WWTR1: variants seen among roughly 807,000 people sequenced by gnomAD.
WWTR1 encodes WW domain-containing transcription regulator protein 1.
WWTR1 carries 13 observed loss-of-function variants against 40.1 expected under a neutral mutation model. The ratio of observed to expected loss-of-function variants is 0.32; its 90% CI spans 0.21 to 0.52. The LOEUF (loss-of-function observed/expected upper bound fraction) is 0.52, where lower values mean the gene tolerates loss of function less well. WWTR1 is among the 20% of genes least tolerant of loss of function. The pLI, the probability that WWTR1 is intolerant of heterozygous loss-of-function variation, is 0.97. For missense variants in WWTR1, 436 were observed against 523.1 expected, an observed-to-expected ratio of 0.83 and a Z score of 1.63; for synonymous variants, 230 against 210.1, an observed-to-expected ratio of 1.09 and a Z score of -0.82.
chr3:149,667,774 A>G (rs1713896045), intron 2 of WWTR1, among the ~76,000 whole-genome samples: 1 of 152,156 alleles, frequency 6.6e-6, no homozygotes, highest in Non-Finnish European at 1.5e-5. Flanking sequence ...CTACTGAGTC[A>G]TCATCTCCCA....
intron 4 of WWTR1, among the ~76,000 whole-genome samples, chr3:149,722,601 T>C (rs1402473287): frequency 6.6e-6 from 1 of 152,162 alleles, no homozygotes. Flanking sequence ...CATCATTTCT[T>C]CAAATATTCT....
chr3:149,623,657 C>T (rs372484464), intron 2 of WWTR1, among the ~76,000 whole-genome samples: 1 of 152,168 alleles, frequency 6.6e-6, no homozygotes, highest in Non-Finnish European at 1.5e-5. Flanking sequence ...GAGAGAAATA[C>T]TTTCTATGGG....
chr3:149,612,850 C>T (rs1181425849), intron 2 of WWTR1, among the ~76,000 whole-genome samples: 1 of 152,172 alleles, frequency 6.6e-6, no homozygotes, highest in Non-Finnish European at 1.5e-5. Flanking sequence ...ACTCCACTCA[C>T]AATCCACCTA....
chr3:149,538,168 C>T (rs1457356750), intron 4 of WWTR1, among the ~76,000 whole-genome samples: 3 of 152,184 alleles, frequency 2.0e-5, no homozygotes, highest in Non-Finnish European at 4.4e-5. Flanking sequence ...GATCTGCCCG[C>T]CTTGGCTTCC....
At chr3:149,655,659 G>A (rs771991396) in intron 2 of WWTR1, among the ~76,000 whole-genome samples, 100 of 152,064 alleles carry the variant, frequency 6.6e-4, no homozygotes, top group Non-Finnish European at 1.1e-3. Flanking sequence ...AGAACTCCTT[G>A]GACAAGATAT....
At chr3:149,550,626 G>A (rs1736573351) in intron 3 of WWTR1, among the ~76,000 whole-genome samples, 1 of 152,172 alleles carries the variant, frequency 6.6e-6, no homozygotes, top group Non-Finnish European at 1.5e-5. Flanking sequence ...CACGGAGCCA[G>A]AGAAGGGAAA....
At chr3:149,592,627 A>G (rs1323534708) in intron 2 of WWTR1, among the ~76,000 whole-genome samples, 1 of 152,234 alleles carries the variant, frequency 6.6e-6, no homozygotes, top group Non-Finnish European at 1.5e-5. Flanking sequence ...ATATATATAC[A>G]TATGTAAAAC....
chr3:149,675,227 C>T (rs543870695), intron 1 of WWTR1, among the ~76,000 whole-genome samples: 4 of 152,354 alleles, frequency 2.6e-5, no homozygotes, highest in African/African-American at 9.6e-5. Flanking sequence ...CATGACAACC[C>T]TATACTCCTT....
intron 1 of WWTR1, among the ~76,000 whole-genome samples, chr3:149,677,332 G>GTATAT (rs1714301908): frequency 6.6e-6 from 1 of 152,136 alleles, no homozygotes; most frequent in South Asian, 2.1e-4. Flanking sequence ...AGAAACCACT[G>GTATAT]TATATACAAA....
chr3:149,709,656 G>A (rs1331013015), intron 5 of WWTR1, among the ~76,000 whole-genome samples: 1 of 152,140 alleles, frequency 6.6e-6, no homozygotes, highest in East Asian at 1.9e-4. Flanking sequence ...CGTAATCCCA[G>A]CATTTTGGGA....
At chr3:149,542,947 G>T (rs1349136777) in intron 3 of WWTR1, among the ~76,000 whole-genome samples, 1 of 152,098 alleles carries the variant, frequency 6.6e-6, no homozygotes, top group East Asian at 1.9e-4. Context: ...TTATGGCAGA[G>T]GTAAGGAGGG....
chr3:149,723,559 A>G (rs772329483), intron 4 of WWTR1, among the ~76,000 whole-genome samples: 1 of 151,934 alleles, frequency 6.6e-6, no homozygotes, highest in Non-Finnish European at 1.5e-5. Flanking sequence ...CCAGAAGTAT[A>G]AAGTTAAGAT....
At chr3:149,550,762 A>G (rs1736583544) in intron 3 of WWTR1, among the ~76,000 whole-genome samples, 1 of 147,082 alleles carries the variant, frequency 6.8e-6, no homozygotes, top group African/African-American at 2.6e-5. Flanking sequence ...GTTATAAAAG[A>G]CTGCTTGAAT....
intron 2 of WWTR1, among the ~76,000 whole-genome samples, chr3:149,597,038 T>C (rs532677941): frequency 7.7e-4 from 118 of 152,334 alleles, no homozygotes; most frequent in African/African-American, 2.6e-3. Context: ...TCCATAAAGT[T>C]ACCCTGAAAT....
intron 3 of WWTR1, among the ~76,000 whole-genome samples, chr3:149,556,552 C>A (rs1244925398): frequency 6.6e-6 from 1 of 152,152 alleles, no homozygotes; most frequent in East Asian, 1.9e-4. Context: ...GCACTCCAGC[C>A]TGGGAGACAG....
At chr3:149,547,012 C>T (rs1308530993) in intron 3 of WWTR1, among the ~76,000 whole-genome samples, 1 of 152,122 alleles carries the variant, frequency 6.6e-6, no homozygotes, top group Non-Finnish European at 1.5e-5. Flanking sequence ...ACTGAACCAT[C>T]ATTGACACTG....
intron 2 of WWTR1, among the ~76,000 whole-genome samples, chr3:149,574,324 G>A (rs112407909): frequency 0.084 from 12,805 of 152,208 alleles, 586 homozygotes; most frequent in Middle Eastern, 0.11. Context: ...ACAGGCACAA[G>A]CCACCGCACC....
intron 2 of WWTR1, among the ~76,000 whole-genome samples, chr3:149,624,731 ACT>A: frequency 6.6e-6 from 1 of 151,918 alleles, no homozygotes; most frequent in East Asian, 1.9e-4. Flanking sequence ...ATGGAGTTTG[ACT>A]CTGTCACCCA....
chr3:149,593,149 A>G (rs1738812976), intron 2 of WWTR1, among the ~76,000 whole-genome samples: 1 of 152,232 alleles, frequency 6.6e-6, no homozygotes, highest in East Asian at 1.9e-4. Flanking sequence ...GCATGCTGCC[A>G]TCACTCCTGC....
Sources: gnomAD v4.1 joint callset for allele counts (sites outside exome capture counted in the v4.1 genomes callset) on GRCh38, gnomAD v4.1.1 for gene constraint, MANE v1.5 for transcripts, NCBI Gene and HGNC (gene_info 2026-07-23, HGNC 2026-07-21) for gene names.